Variants in PCNX1 observed in about 807,000 individuals in gnomAD.
The protein encoded by PCNX1 is pecanex-like protein 1.
In PCNX1, 78 loss-of-function variants were observed where a neutral mutation model predicts 242.2. That is an observed-to-expected ratio of 0.32 (90% CI 0.27 to 0.39). The LOEUF is 0.39. PCNX1 is among the 10% of genes least tolerant of loss of function. PCNX1 has a pLI of 1.00. For missense variants in PCNX1, 2,581 were observed against 2,856.5 expected, an observed-to-expected ratio of 0.90 and a Z score of 2.20; for synonymous variants, 1,024 against 1,032.9, an observed-to-expected ratio of 0.99 and a Z score of 0.17.
chr14:71,000,657 G>T (rs2059478766), intron 8 of PCNX1, among the ~76,000 whole-genome samples: 1 of 151,712 alleles, frequency 6.6e-6, no homozygotes, highest in South Asian at 2.1e-4. Context: ...CTCCCGAGTA[G>T]CTGGGATTAT....
At chr14:71,032,665 C>T (rs893701610) in intron 16 of PCNX1, among the ~76,000 whole-genome samples, 1 of 152,180 alleles carries the variant, frequency 6.6e-6, no homozygotes, top group Admixed American at 6.5e-5. Context: ...ACCATGTTTC[C>T]TTTCTGAATC....
rs182379322 is a variant in PCNX1 at position 71,108,569 on chromosome 14, C to G, written c.6302-35C>G. 183 of 1,518,432 alleles carry G rather than the reference C, an allele frequency of 1.2e-4. No homozygotes were observed. In the Admixed American group the frequency reaches 3.3e-3, roughly 28 times the overall value. The allele number at this position is 1,518,432 out of a possible 1,614,324, so 94.1% of individuals were successfully genotyped here. ...ACAGAAGTATTGTGTCTGAGTCATT[C>G]TACTTTGAGTGAGTGCTGCTGTTTC... On this transcript the variant is annotated intron_variant, in intron 33 of 35. Coordinates refer to ENST00000304743, the MANE Select transcript of PCNX1 (RefSeq NM_014982.3).
chr14:71,010,315 T>C (rs551182073), intron 9 of PCNX1, among the ~76,000 whole-genome samples: 1 of 152,220 alleles, frequency 6.6e-6, no homozygotes, highest in Non-Finnish European at 1.5e-5. Flanking sequence ...TTACTCTTCA[T>C]GTAAGTTCTT....
chr14:71,004,975 ATACT>A (rs1427875096), intron 8 of PCNX1, among the ~76,000 whole-genome samples: 1 of 152,158 alleles, frequency 6.6e-6, no homozygotes, highest in East Asian at 1.9e-4. Flanking sequence ...CCTATGAGTA[ATACT>A]TAAAAAAAGA....
At chr14:70,921,432 C>G (rs1276644926) in intron 1 of PCNX1, among the ~76,000 whole-genome samples, 1 of 152,090 alleles carries the variant, frequency 6.6e-6, no homozygotes, top group African/African-American at 2.4e-5. Flanking sequence ...AGGTGTGAAC[C>G]AACATGCCAG....
chr14:70,960,396 G>C (rs145883239), intron 2 of PCNX1, among the ~76,000 whole-genome samples: 2 of 151,952 alleles, frequency 1.3e-5, no homozygotes, highest in Non-Finnish European at 2.9e-5. Flanking sequence ...CCATCTTCAC[G>C]TGATTATCTC....
chr14:71,036,393 G>T (rs958243620), intron 19 of PCNX1, among the ~76,000 whole-genome samples: 1 of 152,068 alleles, frequency 6.6e-6, no homozygotes, highest in African/African-American at 2.4e-5. Flanking sequence ...GCCCGAGCTG[G>T]TCTCAAACTC....
chr14:70,956,992 A>ATATTATTAT (rs5809504), intron 2 of PCNX1, among the ~76,000 whole-genome samples: 39 of 149,834 alleles, frequency 2.6e-4, no homozygotes, highest in Admixed American at 1.1e-3. Context: ...TGTTTTTATT[A>ATATTATTAT]TATTATTATT....
chr14:70,980,471 A>AT lies in PCNX1; in HGVS notation c.2311+1830dup, dbSNP rs947230303. On this transcript the variant is annotated intron_variant, in intron 6 of 35. Coordinates refer to ENST00000304743, the MANE Select transcript of PCNX1 (RefSeq NM_014982.3). ...AATAGTCTGTGGGCTGTTTAAAAAC[A>AT]TTTTTTTGCCTGGGGCAGGCATTGC... Among the ~76,000 whole-genome samples, 8 of 151,964 alleles carry AT rather than the reference A, an allele frequency of 5.3e-5. No homozygotes were observed. In the South Asian group the frequency reaches 6.2e-4, roughly 12 times the overall value.
intron 24 of PCNX1, 101 bp from the exon 25 acceptor site, chr14:71,055,403 A>T (rs2061155525): frequency 1.5e-6 from 1 of 674,082 alleles, no homozygotes; most frequent in African/African-American, 1.8e-5. Flanking sequence ...ATAAAGTGAT[A>T]ACCTTTATTT....
chr14:71,047,051 A>C lies in PCNX1; in HGVS notation c.4106A>C (p.Asn1369Thr). ...KNIIYPLIVL[N>T]ELSSSAETIA... ...ATAATCTATCCATTGATTGTTCTCA[A>C]TGAACTGAGCAGCAGTGCAGAGACA... The change falls in exon 21 of 36, where the codon AAT becomes ACT. Residue 1369 changes from asparagine (N) to threonine (T), a missense_variant. Asn to Thr is a moderately conservative substitution (Grantham distance 65). Around this residue, in one of 9 missense-constraint regions of PCNX1, gnomAD observed 432 missense variants for 443.1 expected, o/e 0.97. Transcript: ENST00000304743. 6.2e-7 allele frequency: 1 copy of C among 1,611,724 alleles called. No individual in the cohort carries two copies. Among genetic ancestry groups the C allele is most frequent in the East Asian group, 2.2e-5 (1 of 44,778 alleles).
At chr14:71,016,509 A>C (rs1274285263) in intron 11 of PCNX1, among the ~76,000 whole-genome samples, 1 of 152,204 alleles carries the variant, frequency 6.6e-6, no homozygotes, top group African/African-American at 2.4e-5. Context: ...ATAATACGAG[A>C]GTTATTAAAT....
intron 33 of PCNX1, among the ~76,000 whole-genome samples, chr14:71,107,830 T>C (rs2141891835): frequency 6.6e-6 from 1 of 152,356 alleles, no homozygotes; most frequent in South Asian, 2.1e-4. Flanking sequence ...TTAATAAATA[T>C]TTCTTTTTAA....
intron 27 of PCNX1, 107 bp downstream of exon 27, chr14:71,073,905 G>A (rs1327763352): frequency 4.3e-6 from 3 of 692,840 alleles, no homozygotes; most frequent in Non-Finnish European, 6.2e-6. Flanking sequence ...CGTATGCTTT[G>A]CTTCCAAGTA....
intron 31 of PCNX1, among the ~76,000 whole-genome samples, chr14:71,102,441 T>G (rs1425763169): frequency 6.6e-6 from 1 of 152,020 alleles, no homozygotes; most frequent in Admixed American, 6.6e-5. Flanking sequence ...AATTTTTGTG[T>G]TTTTTGTAGA....
At chr14:71,105,553 A>T (rs930799096) in intron 33 of PCNX1, 113 bp downstream of exon 33, 31 of 627,444 alleles carry the variant, frequency 4.9e-5, no homozygotes, top group African/African-American at 3.7e-4. Context: ...CAGAAATAGA[A>T]TTTTTTTTTT....
chr14:71,098,015 AC>A (rs1322947633), intron 30 of PCNX1, among the ~76,000 whole-genome samples: 1 of 152,132 alleles, frequency 6.6e-6, no homozygotes, highest in African/African-American at 2.4e-5. Flanking sequence ...CTAGCCAGCT[AC>A]CCTAGCACCA....
intron 8 of PCNX1, among the ~76,000 whole-genome samples, chr14:71,002,148 G>A (rs1386923450): frequency 6.6e-6 from 1 of 152,146 alleles, no homozygotes; most frequent in Non-Finnish European, 1.5e-5. Flanking sequence ...TCTTGGCAGT[G>A]GCTGTCTTTG....
chr14:71,070,450 T>C (rs138609179), intron 26 of PCNX1, among the ~76,000 whole-genome samples: 2 of 152,228 alleles, frequency 1.3e-5, no homozygotes, highest in Non-Finnish European at 2.9e-5. Context: ...CTTACAAAAT[T>C]TATTTCTTAA....
Sources: allele counts gnomAD v4.1 joint callset (sites outside exome capture counted in the v4.1 genomes callset), GRCh38; gene constraint gnomAD v4.1.1; regional missense constraint gnomAD v4.1.1; transcripts MANE v1.5; gene names NCBI Gene and HGNC (gene_info 2026-07-23, HGNC 2026-07-21).